Variants in TTC9C observed in about 807,000 individuals in gnomAD.
TTC9C encodes the protein tetratricopeptide repeat domain 9C, also known as tetratricopeptide repeat protein 9C.
A neutral mutation model predicts 22.5 loss-of-function variants in TTC9C; 15 were observed. The ratio of observed to expected loss-of-function variants is 0.67; its 90% confidence interval spans 0.45 to 1.03. TTC9C has a LOEUF of 1.03. Among genes scored for constraint, TTC9C ranks in the 50% least tolerant of loss-of-function variants. TTC9C has a pLI of 0.00. For missense variants in TTC9C, 244 were observed against 214.6 expected (o/e 1.14, Z -0.86); for synonymous variants, 92 against 86.8 (o/e 1.06, Z -0.33).
intron 2 of TTC9C, among the ~76,000 whole-genome samples, chr11:62,737,956 G>A (rs566893432): frequency 1.1e-4 from 17 of 152,180 alleles, no homozygotes; most frequent in African/African-American, 3.1e-4. Context: ...GCTTGAACCC[G>A]GGAGGCGGAG....
intron 1 of TTC9C, chr11:62,733,294 A>G: frequency 1.7e-6 from 1 of 573,962 alleles, no homozygotes; most frequent in South Asian, 2.3e-5. Flanking sequence ...GTTAGACAAC[A>G]CTTCATTCAA....
rs137950889 is a variant in TTC9C, at chr11:62,735,445, T to C, written c.302T>C (p.Leu101Pro). Residue 101 changes from leucine (L) to proline (P), a missense_variant, in exon 2 of 3, where the codon CTG becomes CCG. Coordinates refer to ENST00000316461, the MANE Select transcript of TTC9C (RefSeq NM_173810.4). ...GTGAGAGAATATAGTCAGAAAGTCC[T>C]GGAACGACAGCCTGATAATGCCAAG... Reference protein sequence around the residue: ...ERVREYSQKVLERQPDNAKAL... With the variant: ...ERVREYSQKVPERQPDNAKAL... The C allele has an allele frequency of 7.4e-5, 119 of 1,614,030 alleles. No individual in the cohort carries two copies. Among genetic ancestry groups the C allele is most frequent in the Non-Finnish European group, 8.4e-5 (99 of 1,180,026 alleles).
intron 1 of TTC9C, 102 bp from the exon 2 acceptor site, chr11:62,735,280 G>A: frequency 3.4e-6 from 5 of 1,457,236 alleles, no homozygotes; most frequent in Non-Finnish European, 3.7e-6. Flanking sequence ...TTTGTTGACT[G>A]AATGTTGTTA....
chr11:62,728,819 C>A lies in TTC9C; in HGVS notation c.-30C>A, dbSNP rs768144717. 1.2e-6 allele frequency: 2 copies of A among 1,610,578 alleles called. No individual in the cohort carries two copies. The highest frequency in any genetic ancestry group is 1.3e-5 in the African/African-American group (1 of 74,860). On this transcript the variant is annotated 5_prime_UTR_variant, in exon 1 of 3. Transcript: ENST00000316461. ...AGAGCTTCACTTGCTCCTTCACTTC[C>A]CAGTTCCGCAAGAACCGTGGGCGAC...
At chr11:62,728,452 G>T (rs1050832230), upstream of TTC9C, 14 of 419,530 alleles carry the variant, frequency 3.3e-5, no homozygotes, top group Non-Finnish European at 5.2e-5. Flanking sequence ...CTTCCAGGTC[G>T]GGGGGGGGCG....
intron 1 of TTC9C, among the ~76,000 whole-genome samples, chr11:62,733,814 A>C (rs1420804984): frequency 6.6e-6 from 1 of 152,016 alleles, no homozygotes; most frequent in East Asian, 1.9e-4. Flanking sequence ...CAACATGGTG[A>C]AACCCCGTCT....
chr11:62,738,216 C>T (rs939237560), intron 2 of TTC9C, 72 bp from the exon 3 acceptor site: 6 of 907,762 alleles, frequency 6.6e-6, no homozygotes, highest in African/African-American at 5.0e-5. Flanking sequence ...AACATTCTCT[C>T]CTGCCACAAG....
rs750339002 is a variant in TTC9C, at chr11:62,728,783, C to G, written c.-66C>G. On this transcript the variant is annotated 5_prime_UTR_variant, in exon 1 of 3. Transcript: ENST00000316461. ...TTGGCTGCTACTGTCAGTTATTTTG[C>G]TCCCAACCCCAGAGCTTCACTTGCT... 2 of 1,533,456 alleles carry G rather than the reference C, an allele frequency of 1.3e-6. No homozygotes were observed. The highest frequency in any genetic ancestry group is 9.0e-7 in the Non-Finnish European group (1 of 1,108,538). 95.0% of individuals were successfully genotyped at this position (1,533,456 alleles called of 1,614,324 possible).
chr11:62,728,753 T>A lies in TTC9C; in HGVS notation c.-96T>A. ...GGAAGAAGGGTAATTTCCTGCCTCC[T>A]TAAATTGGCTGCTACTGTCAGTTAT... is the stretch of plus-strand genomic sequence containing the variant. On this transcript the variant is annotated 5_prime_UTR_variant, in exon 1 of 3. Transcript: ENST00000316461. 8.0e-7 allele frequency: 1 copy of A among 1,248,998 alleles called. No homozygotes were observed. The highest frequency in any genetic ancestry group is 1.8e-5 in the Admixed American group (1 of 54,422). 77.4% of individuals were successfully genotyped at this position (1,248,998 alleles called of 1,614,324 possible).
intron 1 of TTC9C, among the ~76,000 whole-genome samples, chr11:62,729,559 C>A (rs977534475): frequency 3.1e-4 from 47 of 149,550 alleles, no homozygotes; most frequent in African/African-American, 1.1e-3. Context: ...CCAGCCACCA[C>A]GCCCAGCTAA....
intron 1 of TTC9C, among the ~76,000 whole-genome samples, chr11:62,734,666 CAG>C (rs922166607): frequency 1.2e-4 from 18 of 152,044 alleles, no homozygotes; most frequent in South Asian, 4.2e-4. Flanking sequence ...AAAAAAGGGA[CAG>C]GGGAGGGTCT....
intron 1 of TTC9C, among the ~76,000 whole-genome samples, chr11:62,734,870 T>C (rs1309645260): frequency 6.6e-6 from 1 of 152,262 alleles, no homozygotes; most frequent in South Asian, 2.1e-4. Flanking sequence ...AATCAGTAAA[T>C]ATTGAAGTAG....
intron 1 of TTC9C, among the ~76,000 whole-genome samples, chr11:62,733,869 A>G (rs1300956338): frequency 6.6e-6 from 1 of 152,024 alleles, no homozygotes; most frequent in African/African-American, 2.4e-5. Context: ...GTGAGCGCCT[A>G]TAATCCCAGT....
intron 1 of TTC9C, among the ~76,000 whole-genome samples, chr11:62,731,181 G>T (rs1482071196): frequency 6.6e-6 from 1 of 152,156 alleles, no homozygotes; most frequent in African/African-American, 2.4e-5. Flanking sequence ...GAGCCACCAT[G>T]CCCTTCCCAA....
chr11:62,738,441 G>A lies in TTC9C; in HGVS notation c.*59G>A. ...GGTGGACCATTAAACATGCATGAAG[G>A]AGAAATCTGAGCCTCAGCAAGAGAA... On this transcript the variant is annotated 3_prime_UTR_variant, in exon 3 of 3. Coordinates refer to ENST00000316461, the MANE Select transcript of TTC9C (RefSeq NM_173810.4). The A allele has an allele frequency of 8.3e-7, 1 of 1,203,704 alleles. No individual in the cohort carries two copies. The highest frequency in any genetic ancestry group is 1.2e-6 in the Non-Finnish European group (1 of 827,200). 74.6% of individuals were successfully genotyped at this position (1,203,704 alleles called of 1,614,324 possible).
At position 62,728,962 on chromosome 11, in the gene TTC9C, G is replaced by T. The variant is rs1394947924; in HGVS notation, c.114G>T (p.Leu38=). ...GGTACCATCGAGCTCTGCTTCAGCTGCGGGGTCTGGATCCGAGTCTGCCCT... is the reference window on the plus strand; with the variant it reads ...GGTACCATCGAGCTCTGCTTCAGCTTCGGGGTCTGGATCCGAGTCTGCCCT... ...VSRYHRALLQ[L]RGLDPSLPSP... Residue 38 remains leucine (L), a synonymous_variant, in exon 1 of 3, where the codon CTG becomes CTT. Coordinates refer to ENST00000316461, the MANE Select transcript of TTC9C (RefSeq NM_173810.4). The T allele has an allele frequency of 1.2e-6, 2 of 1,614,162 alleles. No homozygotes were observed. Among genetic ancestry groups the T allele is most frequent in the South Asian group, 2.2e-5 (2 of 91,076 alleles).
chr11:62,738,273 C>G lies in TTC9C; in HGVS notation c.422-15C>G. 1 of 1,567,730 alleles carries G rather than the reference C, an allele frequency of 6.4e-7. No homozygotes were observed. Among genetic ancestry groups the G allele is most frequent in the Non-Finnish European group, 8.8e-7 (1 of 1,140,846 alleles). ...ACTCTAACTGTTTCTAATTGCTTCT[C>G]CATCATCTTCCAAGATGCCAACGTC... On this transcript the variant is annotated splice_polypyrimidine_tract_variant and intron_variant, in intron 2 of 2. Coordinates refer to ENST00000316461, the MANE Select transcript of TTC9C (RefSeq NM_173810.4).
rs906707146 is a variant in TTC9C at position 62,738,447 on chromosome 11, T to G, written c.*65T>G. The G allele has an allele frequency of 8.5e-7, 1 of 1,180,642 alleles. No homozygotes were observed. Among genetic ancestry groups the G allele is most frequent in the Non-Finnish European group, 1.2e-6 (1 of 808,482 alleles). The allele number at this position is 1,180,642 out of a possible 1,614,324, so 73.1% of individuals were successfully genotyped here. A position where few individuals can be genotyped will look rare whatever the true frequency, so the allele number is the denominator to read the frequency against. ...CCATTAAACATGCATGAAGGAGAAATCTGAGCCTCAGCAAGAGAAATTAAC... is the reference window on the plus strand; with the variant it reads ...CCATTAAACATGCATGAAGGAGAAAGCTGAGCCTCAGCAAGAGAAATTAAC... On this transcript the variant is annotated 3_prime_UTR_variant, in exon 3 of 3. Transcript: ENST00000316461.
In TTC9C at chr11:62,735,570, C is replaced by T. The variant is rs1181996697; in HGVS notation, c.421+6C>T. Reference sequence around the variant, plus strand: ...CGTGAATAGGCAGCCTAAAGGTAAGCAAGAAGGGCTTTGAAATGGTAAAGA... The same window carrying T: ...CGTGAATAGGCAGCCTAAAGGTAAGTAAGAAGGGCTTTGAAATGGTAAAGA... On this transcript the variant is annotated splice_donor_region_variant and intron_variant, in intron 2 of 2. Coordinates refer to ENST00000316461, the MANE Select transcript of TTC9C (RefSeq NM_173810.4). The T allele has an allele frequency of 1.3e-6, 2 of 1,595,792 alleles. No homozygotes were observed. Among genetic ancestry groups the T allele is most frequent in the Non-Finnish European group, 1.7e-6 (2 of 1,168,626 alleles).
Sources: gnomAD v4.1 joint callset for allele counts (sites outside exome capture counted in the v4.1 genomes callset) on GRCh38, gnomAD v4.1.1 for gene constraint, MANE v1.5 for transcripts, NCBI Gene and HGNC (gene_info 2026-07-23, HGNC 2026-07-21) for gene names.